The following PSD variants were observed in gnomAD, a reference collection of about 807,000 sequenced individuals.
PSD encodes PH and SEC7 domain-containing protein 1.
A neutral mutation model predicts 91.6 loss-of-function variants in PSD; 32 were observed. The observed-to-expected ratio is 0.35, with a 90% CI of 0.26 to 0.47. The LOEUF is 0.47. Among genes scored for constraint, PSD ranks in the 20% least tolerant of loss-of-function variants. The pLI, the probability that PSD is intolerant of heterozygous loss-of-function variation, is 1.00. For synonymous variants in PSD, 532 were observed against 569.3 expected (o/e 0.93, Z 0.93); for missense variants, 1,099 against 1,373.9 (o/e 0.80, Z 3.16).
chr10:102,403,807 C>T lies in PSD; in HGVS notation c.2844+35G>A, dbSNP rs753827413. The T allele has an allele frequency of 1.3e-6, 2 of 1,593,376 alleles. No homozygotes were observed. Among genetic ancestry groups the T allele is most frequent in the Non-Finnish European group, 1.7e-6 (2 of 1,167,420 alleles). On this transcript the variant is annotated intron_variant, in intron 16 of 16. Coordinates refer to ENST00000020673, the MANE Select transcript of PSD (RefSeq NM_002779.5). This position sits in a 1 kb window ranked among gnomAD's most constrained non-coding sequence, Gnocchi z 6.7. Reference sequence around the variant, plus strand: ...TGCCCTTCACCCTAGTATGGGCCTGCGTGTGTGGACAGAGGGGCAGACAGG... The same window carrying T: ...TGCCCTTCACCCTAGTATGGGCCTGTGTGTGTGGACAGAGGGGCAGACAGG...
In PSD at chr10:102,405,385, G is replaced by A. The variant is rs2061348616; in HGVS notation, c.2287C>T (p.Leu763=). 5 of 1,613,576 alleles carry A rather than the reference G, an allele frequency of 3.1e-6. No individual in the cohort carries two copies. The highest frequency in any genetic ancestry group is 4.2e-6 in the Non-Finnish European group (5 of 1,179,988). Residue 763 remains leucine (L), a synonymous_variant, in exon 12 of 17, where the codon CTG becomes TTG. Transcript: ENST00000020673. The surrounding 1 kb of genome is among the most constrained non-coding windows in gnomAD (Gnocchi z 5.4). ...GGGTCTGCGTGCACCTTTCGCACCAGGGCCCCGTGCTTGTAGACGGCAGCC... is the reference window on the plus strand; with the variant it reads ...GGGTCTGCGTGCACCTTTCGCACCAAGGCCCCGTGCTTGTAGACGGCAGCC... ...PGAAVYKHGA[L]VRKVHADPDC...
At position 102,410,633 on chromosome 10, in the gene PSD, T is replaced by A. The variant is rs996759983; in HGVS notation, c.2091+225A>T. Among the ~76,000 whole-genome samples, 18 of 152,156 alleles carry A rather than the reference T, an allele frequency of 1.2e-4. No homozygotes were observed. Among genetic ancestry groups the A allele is most frequent in the African/African-American group, 3.9e-4 (16 of 41,436 alleles). On this transcript the variant is annotated intron_variant, in intron 10 of 16. Coordinates refer to ENST00000020673, the MANE Select transcript of PSD (RefSeq NM_002779.5). The surrounding 1 kb of genome is among the most constrained non-coding windows in gnomAD (Gnocchi z 6.0). ...CAGAGCCGGGTCCCCTCCCCCGCCG[T>A]GCGCAGTCGCGACCGCACGCATGTG...
Position 102,414,051 on chromosome 10 carries a change from G to T in PSD, c.1271C>A (p.Ala424Asp), listed in dbSNP as rs141973651. Reference protein sequence around the residue: ...RAKGTSYTSLASLEALASPGP... With the variant: ...RAKGTSYTSLDSLEALASPGP... ...AGGTGAGGCCAAGGCCTCCAGCGAG[G>T]CGAGGCTGGTATAGGAGGTGCCTTT... The change falls in exon 5 of 17, where the codon GCC becomes GAC. Residue 424 changes from alanine to aspartate, a missense_variant. By Grantham distance (126) the Ala-to-Asp change is moderately radical. Transcript: ENST00000020673. The surrounding 1 kb of genome is among the most constrained non-coding windows in gnomAD (Gnocchi z 5.6). 1.2e-5 allele frequency: 20 copies of T among 1,613,996 alleles called. No individual in the cohort carries two copies. Among genetic ancestry groups the T allele is most frequent in the Middle Eastern group, 3.3e-4 (2 of 6,084 alleles).
chr10:102,412,928 A>G (rs762045367), intron 5 of PSD, among the ~76,000 whole-genome samples: 8 of 152,150 alleles, frequency 5.3e-5, no homozygotes, highest in Non-Finnish European at 1.0e-4. Context: ...TAGACTATGG[A>G]CAAAGCTGGA....
chr10:102,412,714 G>A, intron 5 of PSD, 139 bp from the exon 6 acceptor site: 1 of 736,160 alleles, frequency 1.4e-6, no homozygotes. Context: ...TTTTTTCCAG[G>A]GAAGGAGATT....
chr10:102,407,015 C>G lies in PSD; in HGVS notation c.2135+208G>C, dbSNP rs975444876. On this transcript the variant is annotated intron_variant, in intron 11 of 16. Coordinates refer to ENST00000020673, the MANE Select transcript of PSD (RefSeq NM_002779.5). ...TCTCCTCCCACCCCAACCCACTTGT[C>G]ATAACAACCCAGCTAGAGACAAGAT... 5.3e-5 allele frequency among the ~76,000 whole-genome samples: 8 copies of G among 152,160 alleles called. No individual in the cohort carries two copies. In the East Asian group the frequency reaches 7.7e-4, roughly 15 times the overall value.
chr10:102,412,057 TG>T, intron 7 of PSD, 89 bp downstream of exon 7: 1 of 1,361,446 alleles, frequency 7.3e-7, no homozygotes. Context: ...GGACGGCTTG[TG>T]GGGGACAGAG....
chr10:102,419,388 G>A (rs1322729217), upstream of PSD: 1 of 152,912 alleles, frequency 6.5e-6, no homozygotes, highest in Non-Finnish European at 1.5e-5. The surrounding 1 kb of genome is among the most constrained non-coding windows in gnomAD (Gnocchi z 4.8). Context: ...TGCTGCCTGA[G>A]TTAGGTGTCG....
Position 102,416,590 on chromosome 10 carries a change from CG to C in PSD, c.448del (p.Arg150GlyfsTer67). ...TGGGTCTGATGTGGATGCTTCCAGC[CG>C]TAACTTCCGGTTGGAGCCAGGCCCA... ...ALGPGSNRKL[R>X]LEASTSDPLP... On this transcript the variant is annotated frameshift_variant, in exon 2 of 17. Transcript: ENST00000020673. LOFTEE classifies it high-confidence loss of function. The surrounding 1 kb of genome is among the most constrained non-coding windows in gnomAD (Gnocchi z 6.0). The C allele has an allele frequency of 6.3e-7, 1 of 1,593,064 alleles. No homozygotes were observed. Among genetic ancestry groups the C allele is most frequent in the Non-Finnish European group, 8.6e-7 (1 of 1,168,996 alleles).
Position 102,404,822 on chromosome 10 carries a change from A to G in PSD, c.2555+76T>C. 3 of 1,576,590 alleles carry G rather than the reference A, an allele frequency of 1.9e-6. No homozygotes were observed. Among genetic ancestry groups the G allele is most frequent in the Non-Finnish European group, 2.6e-6 (3 of 1,159,740 alleles). The stretch of plus-strand genomic sequence containing the variant: ...AAGTGTGGCCTGAGAAGGAATGAAA[A>G]AATCCAGGGACAGGGAGGGGAGCAG... On this transcript the variant is annotated intron_variant, in intron 14 of 16. Coordinates refer to ENST00000020673, the MANE Select transcript of PSD (RefSeq NM_002779.5). The surrounding 1 kb of genome is among the most constrained non-coding windows in gnomAD (Gnocchi z 5.7).
rs2061479541 is a variant in PSD, at chr10:102,416,285, T to C, written c.654+100A>G. On this transcript the variant is annotated intron_variant, in intron 2 of 16. Transcript: ENST00000020673. The surrounding 1 kb of genome is among the most constrained non-coding windows in gnomAD (Gnocchi z 6.0). ...AGAGAGAGGCAGATTTAGAACAGAT[T>C]AAAGGATTCAGAGTGAACAGCAGAC... 7.1e-7 allele frequency: 1 copy of C among 1,407,232 alleles called. No homozygotes were observed. Among genetic ancestry groups the C allele is most frequent in the South Asian group, 1.3e-5 (1 of 75,824 alleles). The allele number at this position is 1,407,232 out of a possible 1,614,324, so 87.2% of individuals were successfully genotyped here.
chr10:102,418,796 C>T (rs1304802799), upstream of PSD: 1 of 453,928 alleles, frequency 2.2e-6, no homozygotes, highest in Non-Finnish European at 4.4e-6. Context: ...GCTCCAGGCC[C>T]GCCCGCCTCT....
intron 5 of PSD, among the ~76,000 whole-genome samples, chr10:102,412,821 G>A (rs1459654823): frequency 6.6e-6 from 1 of 152,144 alleles, no homozygotes; most frequent in Non-Finnish European, 1.5e-5. Flanking sequence ...TGGGAGTTCT[G>A]GCTGCTTCCT....
At position 102,405,525 on chromosome 10, in the gene PSD, T is replaced by A. The variant is rs765148811; in HGVS notation, c.2147A>T (p.Glu716Val). Residue 716 changes from glutamate (E) to valine (V), a missense_variant, in exon 12 of 17, where the codon GAG (glutamate) becomes GTG (valine). Glu to Val is a moderately radical substitution (Grantham distance 121). This residue lies in a region of PSD where 358 missense variants were observed against 426.5 expected (regional missense o/e 0.84). Coordinates refer to ENST00000020673, the MANE Select transcript of PSD (RefSeq NM_002779.5). This position sits in a 1 kb window ranked among gnomAD's most constrained non-coding sequence, Gnocchi z 5.4. ...CAACTCAGACAGAGAGCGTCTCAGC[T>A]CCTCCTCGTCTCTGCAGGTGTGATC... is the stretch of plus-strand genomic sequence containing the variant. ...EKLQWAIDEE[E>V]LRRSLSELAD... is the part of the protein sequence containing the mutation. The A allele has an allele frequency of 6.2e-7, 1 of 1,612,968 alleles. No individual in the cohort carries two copies. Among genetic ancestry groups the A allele is most frequent in the South Asian group, 1.1e-5 (1 of 91,058 alleles).
At chr10:102,415,284 C>T in intron 3 of PSD, 55 bp from the exon 4 acceptor site, 1 of 1,524,062 alleles carries the variant, frequency 6.6e-7, no homozygotes, top group Non-Finnish European at 8.8e-7. Flanking sequence ...GCTCCCTGTC[C>T]TAATTCTGCT....
upstream of PSD, chr10:102,419,014 C>A: frequency 3.0e-6 from 1 of 328,596 alleles, no homozygotes; most frequent in Non-Finnish European, 6.2e-6. This position sits in a 1 kb window ranked among gnomAD's most constrained non-coding sequence, Gnocchi z 4.8. Flanking sequence ...CCTCACGTGC[C>A]CCACCCCACT....
Position 102,405,432 on chromosome 10 carries a change from A to G in PSD, c.2240T>C (p.Leu747Pro). Residue 747 changes from leucine to proline, a missense_variant, in exon 12 of 17, where the codon CTG becomes CCG. Physicochemically the swap from Leu to Pro is moderately conservative, Grantham distance 98. Transcript: ENST00000020673. The surrounding 1 kb of genome is among the most constrained non-coding windows in gnomAD (Gnocchi z 5.4). ...GGSGSGSSPF[L>P]DLTPEPGAAV... ...AGCCCCAGGCTCGGGAGTCAGGTCC[A>G]GGAAAGGGCTGGAGCCACTGCCACT... 6.2e-7 allele frequency: 1 copy of G among 1,613,632 alleles called. No homozygotes were observed. Among genetic ancestry groups the G allele is most frequent in the Non-Finnish European group, 8.5e-7 (1 of 1,179,928 alleles).
intron 10 of PSD, among the ~76,000 whole-genome samples, chr10:102,408,705 T>C (rs1440113777): frequency 6.6e-6 from 1 of 152,174 alleles, no homozygotes; most frequent in Non-Finnish European, 1.5e-5. Flanking sequence ...CCTCTTCGGT[T>C]TTTGAGGCCC....
In PSD at chr10:102,416,927, T is replaced by C. The variant is rs773371866; in HGVS notation, c.112A>G (p.Ser38Gly). The C allele has an allele frequency of 2.5e-6, 4 of 1,605,772 alleles. No individual in the cohort carries two copies. In the South Asian group the frequency reaches 4.4e-5, roughly 18 times the overall value. Residue 38 changes from serine (S) to glycine (G), a missense_variant, in exon 2 of 17, where the codon AGC (serine) becomes GGC (glycine). Transcript: ENST00000020673. The surrounding 1 kb of genome is among the most constrained non-coding windows in gnomAD (Gnocchi z 6.0). ...EGPVPQSPPASMYGSTGSLLR... is the reference protein window; with the variant it reads ...EGPVPQSPPAGMYGSTGSLLR... ...AAGGAGCCTGTGCTGCCATACATGC[T>C]GGCTGGGGGGCTCTGGGGCACCGGG...
Sources: gnomAD v4.1 joint callset for allele counts (sites outside exome capture counted in the v4.1 genomes callset) on GRCh38, gnomAD v4.1.1 for gene constraint, gnomAD v4.1.1 regional missense constraint, Gnocchi (gnomAD v3.1) non-coding constraint, MANE v1.5 for transcripts, NCBI Gene and HGNC (gene_info 2026-07-23, HGNC 2026-07-21) for gene names.